The following TBC1D16 variants were observed in gnomAD, a reference collection of about 807,000 sequenced individuals.
The protein encoded by TBC1D16 is CTD-2529O21.1.
Under a neutral mutation model 74.7 loss-of-function variants are expected in TBC1D16, and 58 were observed. The ratio of observed to expected loss-of-function variants is 0.78; its 90% CI spans 0.63 to 0.97. The LOEUF is 0.97. Ranked by LOEUF, TBC1D16 falls within the 50% of genes least tolerant of loss-of-function variation. TBC1D16 has a pLI of 0.00. For synonymous variants in TBC1D16, 493 were observed against 474.7 expected, an observed-to-expected ratio of 1.04 and a Z score of -0.50; for missense variants, 1,014 against 1,079.5, an observed-to-expected ratio of 0.94 and a Z score of 0.85.
At position 79,939,356 on chromosome 17, in the gene TBC1D16, C is replaced by T. The variant is rs956530245; in HGVS notation, c.*1503G>A. The T allele has an allele frequency of 2.4e-4, 37 of 152,206 alleles. No individual in the cohort carries two copies. The highest frequency in any genetic ancestry group is 2.2e-4 in the Non-Finnish European group (15 of 68,092). The allele number at this position is 152,206 out of a possible 1,614,324, so 9.4% of individuals were successfully genotyped here. On this transcript the variant is annotated 3_prime_UTR_variant, in exon 12 of 12. Coordinates refer to ENST00000310924, the MANE Select transcript of TBC1D16 (RefSeq NM_019020.4). ...CTGGGTTCATGGAGAAAAGAGAAGC[C>T]GAGAAGGTGGAGGAGGCCGGTAAGT...
intron 3 of TBC1D16, among the ~76,000 whole-genome samples, chr17:79,968,019 G>A (rs1052958743): frequency 6.6e-6 from 1 of 152,132 alleles, no homozygotes; most frequent in Non-Finnish European, 1.5e-5. Context: ...TTGAGACAGG[G>A]TCTCACTCTG....
chr17:80,030,996 C>T (rs1449633643), intron 1 of TBC1D16, among the ~76,000 whole-genome samples: 1 of 152,206 alleles, frequency 6.6e-6, no homozygotes, highest in African/African-American at 2.4e-5. Flanking sequence ...AAACAAGGAT[C>T]GCGTTGCCCC....
rs1249739561 is a variant in TBC1D16 at position 79,990,879 on chromosome 17, C to T, written c.779+19281G>A. ...GTCTGGCTCATTTCACTCGGCGTAA[C>T]GTCCTCAACTCATCCGTGTTGCGGC... On this transcript the variant is annotated intron_variant, in intron 3 of 11. Coordinates refer to ENST00000310924, the MANE Select transcript of TBC1D16 (RefSeq NM_019020.4). This position sits in a 1 kb window ranked among gnomAD's most constrained non-coding sequence, Gnocchi z 4.8. Among the ~76,000 whole-genome samples, 2 of 152,230 alleles carry T rather than the reference C, an allele frequency of 1.3e-5. No individual in the cohort carries two copies. Among genetic ancestry groups the T allele is most frequent in the Non-Finnish European group, 2.9e-5 (2 of 68,046 alleles).
chr17:79,970,078 A>G (rs928154993), intron 3 of TBC1D16, among the ~76,000 whole-genome samples: 8 of 152,240 alleles, frequency 5.3e-5, no homozygotes, highest in African/African-American at 1.9e-4. Flanking sequence ...CGTGGCATCC[A>G]TACAATGGAA....
chr17:79,941,481 C>T lies in TBC1D16; in HGVS notation c.2056-374G>A, dbSNP rs375568432. On this transcript the variant is annotated intron_variant, in intron 11 of 11. Transcript: ENST00000310924. The surrounding 1 kb of genome is among the most constrained non-coding windows in gnomAD (Gnocchi z 4.3). ...GCACCCCTCTCTTCTTCCCCCGCACCTTGCTCCACCCCCCACCCCCAGCAG... is the reference window on the plus strand; with the variant it reads ...GCACCCCTCTCTTCTTCCCCCGCACTTTGCTCCACCCCCCACCCCCAGCAG... Among the ~76,000 whole-genome samples, 4 of 152,238 alleles carry T rather than the reference C, an allele frequency of 2.6e-5. No homozygotes were observed. In the South Asian group the frequency reaches 6.2e-4, roughly 24 times the overall value.
chr17:79,941,971 TG>T lies in TBC1D16; in HGVS notation c.2055+88del. 1 of 1,219,842 alleles carries T rather than the reference TG, an allele frequency of 8.2e-7. No homozygotes were observed. 75.6% of individuals were successfully genotyped at this position (1,219,842 alleles called of 1,614,324 possible). Reference sequence around the variant, plus strand: ...GGGCTCTGGGGGCGGGGCCCACATCTGGGGCAGCCTCACCTTTCTGAGAACG... The same window carrying T: ...GGGCTCTGGGGGCGGGGCCCACATCTGGGCAGCCTCACCTTTCTGAGAACG... On this transcript the variant is annotated intron_variant, in intron 11 of 11. Coordinates refer to ENST00000310924, the MANE Select transcript of TBC1D16 (RefSeq NM_019020.4). This position sits in a 1 kb window ranked among gnomAD's most constrained non-coding sequence, Gnocchi z 4.3.
At chr17:80,024,511 A>AT (rs2036446657) in intron 1 of TBC1D16, among the ~76,000 whole-genome samples, 6 of 149,234 alleles carry the variant, frequency 4.0e-5, no homozygotes, top group South Asian at 2.1e-4. Context: ...CACCATAGAC[A>AT]AACCACGCAC....
At position 79,940,809 on chromosome 17, in the gene TBC1D16, G is replaced by C. The variant is rs765262608; in HGVS notation, c.*50C>G. 109 of 1,462,018 alleles carry C rather than the reference G, an allele frequency of 7.5e-5. No homozygotes were observed. Among genetic ancestry groups the C allele is most frequent in the Non-Finnish European group, 8.7e-5 (96 of 1,100,298 alleles). 90.6% of individuals were successfully genotyped at this position (1,462,018 alleles called of 1,614,324 possible). On this transcript the variant is annotated 3_prime_UTR_variant, in exon 12 of 12. Coordinates refer to ENST00000310924, the MANE Select transcript of TBC1D16 (RefSeq NM_019020.4). The surrounding 1 kb of genome is among the most constrained non-coding windows in gnomAD (Gnocchi z 5.4). ...CCAGCCCCACCCCCTCCCGTGCCCAGGGCCTCTGAGGAGGTCCCCTCAACC... is the reference window on the plus strand; with the variant it reads ...CCAGCCCCACCCCCTCCCGTGCCCACGGCCTCTGAGGAGGTCCCCTCAACC...
intron 3 of TBC1D16, among the ~76,000 whole-genome samples, chr17:79,965,839 T>G (rs2033819330): frequency 6.6e-6 from 1 of 152,212 alleles, no homozygotes; most frequent in South Asian, 2.1e-4. Context: ...TCAGAAACTA[T>G]CAACAGTCAG....
At chr17:80,025,598 T>G (rs758638718) in intron 1 of TBC1D16, among the ~76,000 whole-genome samples, 12,310 of 124,240 alleles carry the variant, frequency 0.099, 818 homozygotes, top group Non-Finnish European at 0.13. Context: ...TGGGAGCACC[T>G]CCTTGCTGGA....
In TBC1D16 at chr17:80,010,510, C is replaced by G; in HGVS notation, c.429G>C (p.Val143=). The G allele has an allele frequency of 6.2e-7, 1 of 1,611,190 alleles. No homozygotes were observed. The highest frequency in any genetic ancestry group is 8.5e-7 in the Non-Finnish European group (1 of 1,178,932). The part of the protein sequence containing the change: ...TLTPKDEDIL[V]VAQSVPDRML... Reference sequence around the variant, plus strand: ...TGCGGTCTGGAACACTCTGGGCCACCACCAGGATGTCCTCATCTTTGGGGG... The same window carrying G: ...TGCGGTCTGGAACACTCTGGGCCACGACCAGGATGTCCTCATCTTTGGGGG... The change falls in exon 3 of 12, where the codon GTG becomes GTC. Residue 143 remains valine, a synonymous_variant. Coordinates refer to ENST00000310924, the MANE Select transcript of TBC1D16 (RefSeq NM_019020.4). The surrounding 1 kb of genome is among the most constrained non-coding windows in gnomAD (Gnocchi z 8.8).
chr17:79,954,289 T>C lies in TBC1D16; in HGVS notation c.780-1471A>G, dbSNP rs1381497254. On this transcript the variant is annotated intron_variant, in intron 3 of 11. Transcript: ENST00000310924. This position sits in a 1 kb window ranked among gnomAD's most constrained non-coding sequence, Gnocchi z 5.5. ...CCAGGTCTAAGTAAATAAAGCTCCT[T>C]TGGAGGGTTCCAGCACAATCCCTCC... Among the ~76,000 whole-genome samples the C allele has an allele frequency of 2.0e-5, 3 of 152,282 alleles. No individual in the cohort carries two copies. The highest frequency in any genetic ancestry group is 3.4e-3 in the Middle Eastern group (1 of 294).
chr17:79,944,185 T>G lies in TBC1D16; in HGVS notation c.1908+723A>C. 6.6e-7 allele frequency: 1 copy of G among 1,525,602 alleles called. No individual in the cohort carries two copies. Among genetic ancestry groups the G allele is most frequent in the South Asian group, 1.2e-5 (1 of 83,826 alleles). 94.5% of individuals were successfully genotyped at this position (1,525,602 alleles called of 1,614,324 possible). On this transcript the variant is annotated intron_variant, in intron 10 of 11. Transcript: ENST00000310924. This position sits in a 1 kb window ranked among gnomAD's most constrained non-coding sequence, Gnocchi z 7.7. ...GGGTGTTTGCCTCCATCTTCAGGGT[T>G]CTCTGACGGAGGCTGCTGGAGCTGC...
In TBC1D16 at chr17:80,009,439, G is replaced by T. The variant is rs1406259503; in HGVS notation, c.779+721C>A. On this transcript the variant is annotated intron_variant, in intron 3 of 11. Coordinates refer to ENST00000310924, the MANE Select transcript of TBC1D16 (RefSeq NM_019020.4). This position sits in a 1 kb window ranked among gnomAD's most constrained non-coding sequence, Gnocchi z 5.4. ...CATGCAACCCTCCCCACTCAGGAAG[G>T]TCTCTTTGGGTTCCAAGGCCCAGGG... Among the ~76,000 whole-genome samples the T allele has an allele frequency of 1.3e-5, 2 of 152,324 alleles. No homozygotes were observed. The highest frequency in any genetic ancestry group is 2.1e-4 in the South Asian group (1 of 4,832).
In TBC1D16 at chr17:79,971,952, G is replaced by A. The variant is rs560201058; in HGVS notation, c.780-19134C>T. 1.2e-4 allele frequency among the ~76,000 whole-genome samples: 18 copies of A among 152,226 alleles called. No homozygotes were observed. Among genetic ancestry groups the A allele is most frequent in the South Asian group, 2.1e-4 (1 of 4,820 alleles). On this transcript the variant is annotated intron_variant, in intron 3 of 11. Transcript: ENST00000310924. The surrounding 1 kb of genome is among the most constrained non-coding windows in gnomAD (Gnocchi z 4.6). Reference sequence around the variant, plus strand: ...AAGGAAGGTCTGCGGAGGACAGGTCGGAGTGCTCTGAAAACGGCCCTGGCA... The same window carrying A: ...AAGGAAGGTCTGCGGAGGACAGGTCAGAGTGCTCTGAAAACGGCCCTGGCA...
chr17:79,952,844 C>T (rs770050300), intron 3 of TBC1D16, 26 bp from the exon 4 acceptor site: 19 of 1,583,076 alleles, frequency 1.2e-5, no homozygotes, highest in East Asian at 4.5e-5. Flanking sequence ...ATGTGATGAT[C>T]GCCACACTTC....
intron 3 of TBC1D16, among the ~76,000 whole-genome samples, chr17:79,977,560 C>T (rs2034382249): frequency 6.6e-6 from 1 of 152,272 alleles, no homozygotes; most frequent in Non-Finnish European, 1.5e-5. Context: ...AGAGAGAGCT[C>T]TCCGCACCTT....
At chr17:79,963,237 A>G (rs2033700125) in intron 3 of TBC1D16, among the ~76,000 whole-genome samples, 1 of 151,888 alleles carries the variant, frequency 6.6e-6, no homozygotes, top group Admixed American at 6.6e-5. Context: ...AGCAAAAAAA[A>G]AAGCCCGATA....
intron 3 of TBC1D16, among the ~76,000 whole-genome samples, chr17:79,982,015 G>A (rs62074514): frequency 0.011 from 1,686 of 152,290 alleles, 18 homozygotes; most frequent in Non-Finnish European, 0.018. Context: ...CTATATCCAG[G>A]GCCTTAGCCC....
Sources: gnomAD v4.1 joint callset for allele counts (sites outside exome capture counted in the v4.1 genomes callset) on GRCh38, gnomAD v4.1.1 for gene constraint, Gnocchi (gnomAD v3.1) non-coding constraint, MANE v1.5 for transcripts, NCBI Gene and HGNC (gene_info 2026-07-23, HGNC 2026-07-21) for gene names.